Variants in RAB28 observed in about 807,000 individuals in gnomAD.
RAB28 encodes the protein RAB28, member RAS oncogene family, also known as ras-related protein Rab-28.
Under a neutral mutation model 31.7 loss-of-function variants are expected in RAB28, and 24 were observed. That is an observed-to-expected ratio of 0.76 (90% CI 0.55 to 1.06). RAB28 has a LOEUF of 1.06. RAB28 is among the 50% of genes least tolerant of loss of function. The pLI, the probability that RAB28 is intolerant of heterozygous loss-of-function variation, is 0.00. For missense variants in RAB28, 254 were observed against 258.5 expected (o/e 0.98, Z 0.12); for synonymous variants, 100 against 90.4 (o/e 1.11, Z -0.60).
intron 4 of RAB28, among the ~76,000 whole-genome samples, chr4:13,449,293 C>T (rs1457738442): frequency 4.6e-5 from 7 of 151,842 alleles, no homozygotes; most frequent in African/African-American, 1.7e-4. Flanking sequence ...TTTTTGAAGA[C>T]TCAAAAGAGT....
At chr4:13,408,618 C>T (rs1015241585) in intron 4 of RAB28, among the ~76,000 whole-genome samples, 56 of 151,572 alleles carry the variant, frequency 3.7e-4, no homozygotes, top group African/African-American at 1.3e-3. Flanking sequence ...GAAAAAAAAG[C>T]GGGCTAAAAT....
chr4:13,381,583 G>A lies in RAB28; in HGVS notation c.403C>T (p.His135Tyr), dbSNP rs1049578945. Residue 135 changes from histidine (H) to tyrosine (Y), a missense_variant, in exon 5 of 7, where the codon CAT becomes TAT. Transcript: ENST00000330852. ...TTTTCAGGTTTTATTGTTCGCATAT[G>A]CTCCAAATCAACTAGAAAGGTGTTA... ...ALVGNKIDLE[H>Y]MRTIKPEKHL... is the part of the protein sequence containing the mutation. The A allele has an allele frequency of 1.9e-5, 30 of 1,611,378 alleles. No individual in the cohort carries two copies. Among genetic ancestry groups the A allele is most frequent in the Non-Finnish European group, 2.4e-5 (28 of 1,178,682 alleles).
chr4:13,474,473 ACACAGTAT>A, intron 2 of RAB28, 67 bp from the exon 3 acceptor site: 3 of 916,934 alleles, frequency 3.3e-6, no homozygotes, highest in Non-Finnish European at 5.0e-6. Flanking sequence ...ACAACAAGTG[ACACAGTAT>A]CACAGAATAC....
intron 4 of RAB28, among the ~76,000 whole-genome samples, chr4:13,455,558 C>A (rs10009396): frequency 0.017 from 2,550 of 152,296 alleles, 68 homozygotes; most frequent in African/African-American, 0.058. Context: ...GAAGAGTGCA[C>A]ACTCCAGAGG....
At chr4:13,443,335 A>G (rs1012862515) in intron 4 of RAB28, among the ~76,000 whole-genome samples, 10 of 152,014 alleles carry the variant, frequency 6.6e-5, no homozygotes, top group Non-Finnish European at 1.5e-4. Flanking sequence ...CACCACATCC[A>G]GCTAATTTTT....
chr4:13,460,937 A>C, intron 3 of RAB28, 109 bp from the exon 4 acceptor site: 2 of 1,001,082 alleles, frequency 2.0e-6, no homozygotes, highest in Non-Finnish European at 2.9e-6. Flanking sequence ...AAAAATACAA[A>C]TGTGTAGTGT....
At chr4:13,480,059 C>T (rs2108977791) in intron 1 of RAB28, among the ~76,000 whole-genome samples, 1 of 151,210 alleles carries the variant, frequency 6.6e-6, no homozygotes, top group African/African-American at 2.4e-5. Flanking sequence ...TGAAAATGAC[C>T]CTAAAGAAAG....
At chr4:13,409,539 A>C (rs1712302452) in intron 4 of RAB28, among the ~76,000 whole-genome samples, 1 of 152,156 alleles carries the variant, frequency 6.6e-6, no homozygotes, top group African/African-American at 2.4e-5. Flanking sequence ...GTACTCAGAG[A>C]AGCTGATGGG....
chr4:13,388,673 C>CA (rs1729492952), intron 4 of RAB28, among the ~76,000 whole-genome samples: 1 of 151,796 alleles, frequency 6.6e-6, no homozygotes, highest in African/African-American at 2.4e-5. Flanking sequence ...AACTCAACAA[C>CA]AAAAAACACA....
intron 3 of RAB28, among the ~76,000 whole-genome samples, chr4:13,466,123 G>A (rs569236323): frequency 6.6e-6 from 1 of 151,946 alleles, no homozygotes; most frequent in Admixed American, 6.6e-5. Flanking sequence ...ATTACTACAA[G>A]AAAATGTATG....
At chr4:13,483,849 G>A (rs1203181205) in intron 1 of RAB28, among the ~76,000 whole-genome samples, 1 of 152,242 alleles carries the variant, frequency 6.6e-6, no homozygotes, top group Admixed American at 6.5e-5. Flanking sequence ...TCGCAATCCA[G>A]GCGGGGAGTT....
intron 4 of RAB28, among the ~76,000 whole-genome samples, chr4:13,451,393 G>C (rs1714959311): frequency 6.9e-6 from 1 of 145,966 alleles, no homozygotes; most frequent in Non-Finnish European, 1.5e-5. Flanking sequence ...GGTTTTTGGG[G>C]TGGGTTTTTT....
chr4:13,382,765 C>T (rs1173212327), intron 4 of RAB28, among the ~76,000 whole-genome samples: 1 of 136,698 alleles, frequency 7.3e-6, no homozygotes. Context: ...ATGGCATGAT[C>T]TCGGCTCACT....
chr4:13,438,799 A>G (rs1577214982), intron 4 of RAB28, among the ~76,000 whole-genome samples: 1 of 150,566 alleles, frequency 6.6e-6, no homozygotes, highest in Non-Finnish European at 1.5e-5. Flanking sequence ...TAGAACTGTT[A>G]GGTCATAAGG....
intron 2 of RAB28, among the ~76,000 whole-genome samples, chr4:13,476,192 A>G: frequency 6.6e-6 from 1 of 151,574 alleles, no homozygotes; most frequent in Non-Finnish European, 1.5e-5. Context: ...GAACACTTTG[A>G]CTGTAATTTT....
chr4:13,372,028 ACT>A (rs1728734360), intron 6 of RAB28, among the ~76,000 whole-genome samples: 1 of 152,002 alleles, frequency 6.6e-6, no homozygotes, highest in South Asian at 2.1e-4. Flanking sequence ...GTATAGATGG[ACT>A]CTGTGCAAAA....
At chr4:13,376,835 T>G (rs1019194676) in intron 5 of RAB28, among the ~76,000 whole-genome samples, 4 of 152,144 alleles carry the variant, frequency 2.6e-5, no homozygotes, top group Non-Finnish European at 5.9e-5. Context: ...CTCCATGCAA[T>G]TCAATGAATT....
At chr4:13,405,465 T>C (rs910239037) in intron 4 of RAB28, among the ~76,000 whole-genome samples, 10 of 152,202 alleles carry the variant, frequency 6.6e-5, no homozygotes, top group African/African-American at 2.4e-4. Context: ...GATAGATAAC[T>C]GTTCTTATGT....
intron 2 of RAB28, among the ~76,000 whole-genome samples, 155 bp from the exon 3 acceptor site, chr4:13,474,561 G>A (rs957530905): frequency 1.3e-5 from 2 of 151,504 alleles, no homozygotes; most frequent in Admixed American, 6.6e-5. Flanking sequence ...TTGGAATTGC[G>A]AAAACAACGT....
Sources: gnomAD v4.1 joint callset for allele counts (sites outside exome capture counted in the v4.1 genomes callset) on GRCh38, gnomAD v4.1.1 for gene constraint, MANE v1.5 for transcripts, NCBI Gene and HGNC (gene_info 2026-07-23, HGNC 2026-07-21) for gene names.